The following IGF2BP2 variants were observed in gnomAD, a reference collection of about 807,000 sequenced individuals.
IGF2BP2 encodes insulin like growth factor 2 mRNA binding protein 2.
A neutral mutation model predicts 75.8 loss-of-function variants in IGF2BP2; 17 were observed. The observed-to-expected ratio is 0.22, with a 90% confidence interval of 0.15 to 0.34. The LOEUF (loss-of-function observed/expected upper bound fraction) is 0.34, where lower values mean the gene tolerates loss of function less well. Ranked by LOEUF, IGF2BP2 falls within the 10% of genes least tolerant of loss-of-function variation. IGF2BP2 has a pLI of 1.00. For missense variants in IGF2BP2, 516 were observed against 772.4 expected (o/e 0.67, Z 3.93); for synonymous variants, 288 against 295.6 (o/e 0.97, Z 0.26).
intron 2 of IGF2BP2, among the ~76,000 whole-genome samples, chr3:185,784,587 T>C (rs894730840): frequency 2.0e-5 from 3 of 152,242 alleles, no homozygotes; most frequent in Admixed American, 6.5e-5. Flanking sequence ...CTATGAACAC[T>C]TTCCCCATGC....
chr3:185,773,737 TTC>T (rs1259621738), intron 2 of IGF2BP2, among the ~76,000 whole-genome samples: 1 of 152,216 alleles, frequency 6.6e-6, no homozygotes. Context: ...TCATGCCACT[TTC>T]TTTTTCTTGC....
At chr3:185,746,289 C>T (rs1040421248) in intron 2 of IGF2BP2, among the ~76,000 whole-genome samples, 5 of 152,096 alleles carry the variant, frequency 3.3e-5, no homozygotes, top group African/African-American at 1.2e-4. Flanking sequence ...GAAGTGATGT[C>T]CCAGCGCCAC....
chr3:185,773,010 G>C (rs974160931), intron 2 of IGF2BP2, among the ~76,000 whole-genome samples: 1 of 152,202 alleles, frequency 6.6e-6, no homozygotes, highest in Non-Finnish European at 1.5e-5. Flanking sequence ...GTGTCTGCAA[G>C]GGAATATAGA....
chr3:185,649,936 C>T (rs762833316), intron 13 of IGF2BP2, among the ~76,000 whole-genome samples: 2 of 152,048 alleles, frequency 1.3e-5, no homozygotes, highest in East Asian at 3.9e-4. Context: ...AGGGTCATAC[C>T]CCTGGTTAGT....
intron 2 of IGF2BP2, among the ~76,000 whole-genome samples, chr3:185,715,651 C>CT (rs1247461228): frequency 6.1e-5 from 9 of 147,984 alleles, no homozygotes; most frequent in Non-Finnish European, 1.1e-4. Context: ...TTCTTTCTTT[C>CT]TTTTTTTTTG....
intron 2 of IGF2BP2, among the ~76,000 whole-genome samples, chr3:185,762,532 CAAA>C (rs550663727): frequency 5.5e-5 from 5 of 90,910 alleles, no homozygotes; most frequent in African/African-American, 4.6e-5. Flanking sequence ...AGCTCGGTCT[CAAA>C]AAAAAAAAAA....
At chr3:185,772,896 C>T (rs752984581) in intron 2 of IGF2BP2, among the ~76,000 whole-genome samples, 1 of 151,972 alleles carries the variant, frequency 6.6e-6, no homozygotes, top group Non-Finnish European at 1.5e-5. Context: ...CCTTCTCTTT[C>T]GCCCTTCTAA....
chr3:185,760,070 A>G (rs760508584), intron 2 of IGF2BP2, among the ~76,000 whole-genome samples: 24 of 152,316 alleles, frequency 1.6e-4, no homozygotes, highest in Non-Finnish European at 3.2e-4. Context: ...AAACATTAAC[A>G]ATGAAAAGCC....
At chr3:185,648,182 T>G (rs548249020) in intron 14 of IGF2BP2, among the ~76,000 whole-genome samples, 2 of 152,270 alleles carry the variant, frequency 1.3e-5, no homozygotes, top group Non-Finnish European at 2.9e-5. Flanking sequence ...AACAGCTGGG[T>G]GTGGTGGCTC....
intron 2 of IGF2BP2, among the ~76,000 whole-genome samples, chr3:185,765,568 A>G (rs1364714777): frequency 6.6e-6 from 1 of 151,776 alleles, no homozygotes; most frequent in Non-Finnish European, 1.5e-5. Flanking sequence ...CACACTCTAC[A>G]CTCCACCTGC....
intron 2 of IGF2BP2, among the ~76,000 whole-genome samples, chr3:185,784,104 G>A (rs1191701704): frequency 6.6e-6 from 1 of 152,072 alleles, no homozygotes; most frequent in Admixed American, 6.6e-5. Flanking sequence ...GTGTGGTGGC[G>A]CATGCCTGTA....
intron 7 of IGF2BP2, among the ~76,000 whole-genome samples, chr3:185,683,246 T>C (rs1005046515): frequency 2.0e-5 from 3 of 152,110 alleles, no homozygotes; most frequent in Admixed American, 2.0e-4. Context: ...GTCAAATTCA[T>C]AGAAAGAAGT....
At position 185,741,021 on chromosome 3, in the gene IGF2BP2, C is replaced by A. The variant is rs567118698; in HGVS notation, c.240-42674G>T. Among the ~76,000 whole-genome samples the A allele has an allele frequency of 4.6e-5, 7 of 152,314 alleles. No individual in the cohort carries two copies. In the South Asian group the frequency reaches 6.2e-4, roughly 14 times the overall value. ...CCTCCTGAGTAGCTGGGATTATAGG[C>A]ACATGCCACCATGCCCGGCTAATTT... On this transcript the variant is annotated intron_variant, in intron 2 of 15. Coordinates refer to ENST00000382199, the MANE Select transcript of IGF2BP2 (RefSeq NM_006548.6).
chr3:185,731,560 CT>C (rs1490550133), intron 2 of IGF2BP2, among the ~76,000 whole-genome samples: 1 of 152,124 alleles, frequency 6.6e-6, no homozygotes, highest in Non-Finnish European at 1.5e-5. Context: ...GTCTGCATCA[CT>C]TTCTAGGTGA....
At chr3:185,725,305 T>C (rs563825174) in intron 2 of IGF2BP2, among the ~76,000 whole-genome samples, 1 of 152,094 alleles carries the variant, frequency 6.6e-6, no homozygotes, top group South Asian at 2.1e-4. Flanking sequence ...CATGGAAAGG[T>C]TTGAAAGTGG....
rs568649087 is a variant in IGF2BP2 at position 185,680,275 on chromosome 3, A to G, written c.813-4362T>C. Among the ~76,000 whole-genome samples the G allele has an allele frequency of 1.2e-4, 18 of 152,320 alleles. No homozygotes were observed. In the East Asian group the frequency reaches 3.3e-3, roughly 28 times the overall value. ...GAATCATGAAGAAATGGAAAGTCTG[A>G]TCAGACCAATAATGAGAGAGATTGA... On this transcript the variant is annotated intron_variant, in intron 7 of 15. Coordinates refer to ENST00000382199, the MANE Select transcript of IGF2BP2 (RefSeq NM_006548.6).
At chr3:185,759,074 A>T (rs1732007313) in intron 2 of IGF2BP2, among the ~76,000 whole-genome samples, 1 of 152,224 alleles carries the variant, frequency 6.6e-6, no homozygotes, top group South Asian at 2.1e-4. Context: ...AGACACACAA[A>T]TGTTTGCTGA....
At position 185,658,421 on chromosome 3, in the gene IGF2BP2, G is replaced by A. The variant is rs1560237549; in HGVS notation, c.1201-12C>T. ...TATCCGGAGTGGGTCTGCAGCATGAGAGAAAGAGTCAGTGGGCGGGTGCTC... is the reference window on the plus strand; with the variant it reads ...TATCCGGAGTGGGTCTGCAGCATGAAAGAAAGAGTCAGTGGGCGGGTGCTC... On this transcript the variant is annotated splice_polypyrimidine_tract_variant and intron_variant, in intron 10 of 15. Coordinates refer to ENST00000382199, the MANE Select transcript of IGF2BP2 (RefSeq NM_006548.6). 6.2e-7 allele frequency: 1 copy of A among 1,612,464 alleles called. No individual in the cohort carries two copies. The highest frequency in any genetic ancestry group is 1.1e-5 in the South Asian group (1 of 90,934).
chr3:185,757,559 G>C (rs578163807), intron 2 of IGF2BP2, among the ~76,000 whole-genome samples: 1 of 151,060 alleles, frequency 6.6e-6, no homozygotes, highest in East Asian at 2.0e-4. Flanking sequence ...TGACTTCCCG[G>C]GTTCAGGTGA....
Sources: gnomAD v4.1 joint callset for allele counts (sites outside exome capture counted in the v4.1 genomes callset) on GRCh38, gnomAD v4.1.1 for gene constraint, MANE v1.5 for transcripts, NCBI Gene and HGNC (gene_info 2026-07-23, HGNC 2026-07-21) for gene names.